AFF2: variants seen among roughly 807,000 people sequenced by gnomAD.
AFF2 encodes the protein ALF transcription elongation factor 2, also known as AF4/FMR2 family member 2.
In AFF2, 14 loss-of-function variants were observed where a neutral mutation model predicts 76.9. That is an observed-to-expected ratio of 0.18 (90% confidence interval 0.12 to 0.28). The LOEUF (loss-of-function observed/expected upper bound fraction) is 0.28, where lower values mean the gene tolerates loss of function less well. Ranked by LOEUF, AFF2 falls within the 10% of genes least tolerant of loss-of-function variation. The pLI is 1.00. For missense variants in AFF2, 868 were observed against 1,001.1 expected (o/e 0.87, Z 1.79); for synonymous variants, 398 against 366.7 (o/e 1.09, Z -0.98).
chrX:148,702,127 CA>C (rs1557261941), intron 3 of AFF2, among the ~76,000 whole-genome samples: 3 of 110,950 alleles, frequency 2.7e-5, no homozygotes, highest in African/African-American at 1.0e-4. Flanking sequence ...GTGGATGTCA[CA>C]TTTTTTTTAT....
At chrX:148,581,811 T>C (rs977081109) in intron 1 of AFF2, among the ~76,000 whole-genome samples, 19 of 112,336 alleles carry the variant, frequency 1.7e-4, no homozygotes, top group African/African-American at 5.8e-4. Flanking sequence ...GCACAGCATA[T>C]TGATCAAAAT....
chrX:148,569,845 AC>A (rs2053209271), intron 1 of AFF2, among the ~76,000 whole-genome samples: 1 of 111,802 alleles, frequency 8.9e-6, no homozygotes, highest in Non-Finnish European at 1.9e-5. Context: ...TGTTTACCAA[AC>A]TACTCTCAGT....
intron 1 of AFF2, among the ~76,000 whole-genome samples, chrX:148,504,975 G>C (rs1412271531): frequency 1.3e-5 from 1 of 76,597 alleles, no homozygotes; most frequent in African/African-American, 5.1e-5. Context: ...CTAGGGCTGT[G>C]GTGGGGTGGG....
intron 7 of AFF2, among the ~76,000 whole-genome samples, chrX:148,864,570 A>C (rs782451087): frequency 8.9e-6 from 1 of 112,219 alleles, no homozygotes; most frequent in South Asian, 3.7e-4. Flanking sequence ...CTGCTGTGAG[A>C]TATATCATAG....
At chrX:148,947,269 C>T (rs140801078) in intron 9 of AFF2, among the ~76,000 whole-genome samples, 1,459 of 112,058 alleles carry the variant, frequency 0.013, 24 homozygotes, top group African/African-American at 0.044. Flanking sequence ...GTCTGCTCAT[C>T]AATAGCATCA....
intron 3 of AFF2, among the ~76,000 whole-genome samples, chrX:148,708,705 C>T: frequency 8.9e-6 from 1 of 112,138 alleles, no homozygotes. Context: ...TAGAGTGAGA[C>T]TCCGTCTCAA....
chrX:148,776,621 CT>C (rs782059529), intron 3 of AFF2, among the ~76,000 whole-genome samples: 4 of 112,293 alleles, frequency 3.6e-5, no homozygotes, highest in Admixed American at 1.9e-4. Context: ...TGATGATTAG[CT>C]TTTTTTCATG....
intron 12 of AFF2, among the ~76,000 whole-genome samples, chrX:148,959,144 G>T (rs782583103): frequency 6.3e-5 from 7 of 111,432 alleles, no homozygotes; most frequent in Admixed American, 1.9e-4. Flanking sequence ...TGTGTGGAAG[G>T]TTCCAGAGTC....
chrX:148,661,998 C>T lies in AFF2; in HGVS notation c.271C>T (p.Gln91Ter). ...GAATTTGCTAACTAACCATTCTAAT[C>T]AGAATCACCTAGTGGGAATTCCAAA... ...MKNLLTNHSN[Q>*]NHLVGIPKNS... is the part of the protein sequence containing the mutation. Residue 91 changes from glutamine to a stop codon, truncating the protein, a stop_gained, in exon 3 of 21, where the codon CAG (glutamine) becomes TAG (stop). Transcript: ENST00000370460. LOFTEE classifies it high-confidence loss of function. 8.3e-7 allele frequency: 1 copy of T among 1,209,462 alleles called. No individual in the cohort carries two copies. The highest frequency in any genetic ancestry group is 1.1e-6 in the Non-Finnish European group (1 of 893,374).
chrX:148,675,031 G>T (rs192554538), intron 3 of AFF2, among the ~76,000 whole-genome samples: 10 of 112,106 alleles, frequency 8.9e-5, no homozygotes, highest in Non-Finnish European at 1.9e-4. Context: ...GTGCATGCAC[G>T]TATGCATGTG....
At chrX:148,656,822 C>T (rs1230768818) in intron 2 of AFF2, among the ~76,000 whole-genome samples, 1 of 111,424 alleles carries the variant, frequency 9.0e-6, no homozygotes, top group Non-Finnish European at 1.9e-5. Context: ...CTCAGAGAAG[C>T]GAGATGGCTT....
chrX:148,815,621 T>A (rs5936443), intron 4 of AFF2, among the ~76,000 whole-genome samples: 1 of 110,013 alleles, frequency 9.1e-6, no homozygotes, highest in African/African-American at 3.3e-5. Context: ...TAAATATTTT[T>A]ATATGGAATC....
At chrX:148,705,589 G>T (rs1310277070) in intron 3 of AFF2, among the ~76,000 whole-genome samples, 3 of 111,846 alleles carry the variant, frequency 2.7e-5, no homozygotes, top group African/African-American at 6.5e-5. Context: ...AGCCAAGTCA[G>T]ATAACTTAGG....
intron 3 of AFF2, among the ~76,000 whole-genome samples, chrX:148,775,273 C>A (rs2069653751): frequency 8.9e-6 from 1 of 111,857 alleles, no homozygotes; most frequent in Non-Finnish European, 1.9e-5. Context: ...CTGAAAATAG[C>A]TTATAAAATT....
intron 1 of AFF2, among the ~76,000 whole-genome samples, chrX:148,649,065 G>A: frequency 9.0e-6 from 1 of 111,530 alleles, no homozygotes; most frequent in Non-Finnish European, 1.9e-5. Flanking sequence ...GGGCTATGGA[G>A]CTCTTTTTCC....
chrX:148,734,413 C>T (rs1170776913), intron 3 of AFF2, among the ~76,000 whole-genome samples: 1 of 111,626 alleles, frequency 9.0e-6, no homozygotes, highest in African/African-American at 3.3e-5. Flanking sequence ...GTATTGTATC[C>T]CTACTGTGTT....
chrX:148,961,636 A>G, intron 12 of AFF2, among the ~76,000 whole-genome samples: 1 of 112,013 alleles, frequency 8.9e-6, no homozygotes, highest in South Asian at 3.7e-4. Context: ...ATTGACTTCT[A>G]TTTCAGGGAA....
chrX:148,563,033 G>A (rs1006357469), intron 1 of AFF2, among the ~76,000 whole-genome samples: 1 of 112,120 alleles, frequency 8.9e-6, no homozygotes, highest in East Asian at 2.8e-4. Context: ...TGTTTGAGCC[G>A]AGGCCTGCAG....
chrX:148,739,006 T>C (rs2055318906), intron 3 of AFF2, among the ~76,000 whole-genome samples: 1 of 112,203 alleles, frequency 8.9e-6, no homozygotes, highest in African/African-American at 3.2e-5. Flanking sequence ...TTCAATTTTC[T>C]TAAATGTATT....
Sources: allele counts gnomAD v4.1 joint callset (sites outside exome capture counted in the v4.1 genomes callset), GRCh38; gene constraint gnomAD v4.1.1; transcripts MANE v1.5; gene names NCBI Gene and HGNC (gene_info 2026-07-23, HGNC 2026-07-21).